Variants in TAFA2 observed in about 807,000 individuals in gnomAD.
TAFA2 encodes chemokine-like protein TAFA-2.
In TAFA2, 7 loss-of-function variants were observed where a neutral mutation model predicts 18.8. The observed-to-expected ratio is 0.37, with a 90% confidence interval of 0.21 to 0.70. The LOEUF (loss-of-function observed/expected upper bound fraction) is 0.70. Ranked by LOEUF, TAFA2 falls within the 30% of genes least tolerant of loss-of-function variation. TAFA2 has a pLI of 0.53. For synonymous variants in TAFA2, 60 were observed against 54.2 expected (o/e 1.11, Z -0.47); for missense variants, 122 against 158.1 (o/e 0.77, Z 1.23).
At chr12:61,922,600 C>T (rs976155342) in intron 1 of TAFA2, among the ~76,000 whole-genome samples, 1 of 152,180 alleles carries the variant, frequency 6.6e-6, no homozygotes, top group Non-Finnish European at 1.5e-5. Flanking sequence ...CTTTGCAACC[C>T]GCAGACCAGG....
At chr12:61,934,319 A>C (rs1877677941) in intron 1 of TAFA2, among the ~76,000 whole-genome samples, 1 of 152,216 alleles carries the variant, frequency 6.6e-6, no homozygotes, top group Non-Finnish European at 1.5e-5. Flanking sequence ...CAAAGTCCCC[A>C]GGAGCTGGGC....
chr12:61,902,558 T>C (rs955087849), intron 1 of TAFA2, among the ~76,000 whole-genome samples: 36 of 152,152 alleles, frequency 2.4e-4, no homozygotes, highest in African/African-American at 8.7e-4. Flanking sequence ...GGCCTCTCAC[T>C]GTCAGGGTGT....
chr12:61,787,545 A>G (rs1870789687), intron 2 of TAFA2, among the ~76,000 whole-genome samples: 1 of 151,662 alleles, frequency 6.6e-6, no homozygotes, highest in Non-Finnish European at 1.5e-5. Flanking sequence ...ATGTAAATTA[A>G]AGCAACAAAA....
intron 1 of TAFA2, among the ~76,000 whole-genome samples, chr12:62,065,814 C>G (rs1477877874): frequency 6.6e-6 from 1 of 151,566 alleles, no homozygotes; most frequent in Non-Finnish European, 1.5e-5. Context: ...CTGTACTCAG[C>G]CTTATCATCC....
intron 1 of TAFA2, among the ~76,000 whole-genome samples, chr12:62,088,665 A>C (rs1334186561): frequency 6.6e-6 from 1 of 151,992 alleles, no homozygotes; most frequent in African/African-American, 2.4e-5. Flanking sequence ...AAAAGCATCA[A>C]AAATGAAGAA....
chr12:62,022,902 G>A lies in TAFA2; in HGVS notation c.-1-155476C>T, dbSNP rs1881192718. Among the ~76,000 whole-genome samples the A allele has an allele frequency of 4.6e-5, 7 of 152,198 alleles. No homozygotes were observed. The South Asian group carries it at 1.5e-3, about 32-fold the overall frequency. ...GGGTTCCCATGGCTGAATGAGGGGA[G>A]CAACCATACCAGCAATCACAAACCT... On this transcript the variant is annotated intron_variant, in intron 1 of 4. Transcript: ENST00000416284.
chr12:61,975,993 G>T (rs1299191988), intron 1 of TAFA2, among the ~76,000 whole-genome samples: 1 of 151,374 alleles, frequency 6.6e-6, no homozygotes, highest in Non-Finnish European at 1.5e-5. Flanking sequence ...TACATCACAT[G>T]GTACACCTTA....
chr12:62,108,796 T>A (rs1869583699), intron 1 of TAFA2, among the ~76,000 whole-genome samples: 1 of 152,244 alleles, frequency 6.6e-6, no homozygotes, highest in Non-Finnish European at 1.5e-5. Context: ...TTTTGAGAAG[T>A]GTCTGTTCAT....
chr12:62,255,698 C>T (rs1249513924), intron 1 of TAFA2, among the ~76,000 whole-genome samples: 1 of 151,312 alleles, frequency 6.6e-6, no homozygotes, highest in Non-Finnish European at 1.5e-5. Flanking sequence ...ACTAAAAATA[C>T]AAAAATTAGG....
intron 1 of TAFA2, among the ~76,000 whole-genome samples, chr12:62,158,339 AATTCTTCCTCAAATAAT>A (rs2062385019): frequency 6.6e-6 from 1 of 152,232 alleles, no homozygotes; most frequent in Non-Finnish European, 1.5e-5. Context: ...TCATAAATGT[AATTCTTCCTCAAATAAT>A]ATTTTGTTAA....
upstream of TAFA2, among the ~76,000 whole-genome samples, chr12:62,195,027 TC>T (rs1416879143): frequency 6.6e-6 from 1 of 152,198 alleles, no homozygotes; most frequent in African/African-American, 2.4e-5. Flanking sequence ...GAGTCTTGTT[TC>T]AGTGTTGATG....
chr12:62,123,361 A>G (rs889762805), intron 1 of TAFA2, among the ~76,000 whole-genome samples: 1 of 152,198 alleles, frequency 6.6e-6, no homozygotes, highest in East Asian at 1.9e-4. Flanking sequence ...GTGCACACAC[A>G]ATGTGTGGGC....
intron 4 of TAFA2, among the ~76,000 whole-genome samples, chr12:61,748,172 G>A (rs1461857326): frequency 6.6e-6 from 1 of 151,820 alleles, no homozygotes; most frequent in African/African-American, 2.4e-5. Context: ...AGGGAGGGAA[G>A]ATAATAAAAT....
At chr12:61,981,970 A>G (rs917457791) in intron 1 of TAFA2, among the ~76,000 whole-genome samples, 1 of 152,150 alleles carries the variant, frequency 6.6e-6, no homozygotes, top group African/African-American at 2.4e-5. Flanking sequence ...AAATCATGCT[A>G]GTATAAAGAC....
chr12:62,234,483 A>C, intron 1 of TAFA2: 1 of 1,082,514 alleles, frequency 9.2e-7, no homozygotes, highest in Non-Finnish European at 1.4e-6. Context: ...TGAGATGGTC[A>C]GACCTCATGA....
At chr12:62,164,338 C>T (rs1475457011) in intron 1 of TAFA2, among the ~76,000 whole-genome samples, 1 of 152,144 alleles carries the variant, frequency 6.6e-6, no homozygotes, top group Non-Finnish European at 1.5e-5. Flanking sequence ...ATACTCTGGA[C>T]ATCATAGTGC....
chr12:62,104,124 A>G (rs1255477863), intron 1 of TAFA2, among the ~76,000 whole-genome samples: 2 of 152,208 alleles, frequency 1.3e-5, no homozygotes, highest in African/African-American at 4.8e-5. Context: ...GAATAGTGAT[A>G]ATTTTAATAG....
At position 62,062,273 on chromosome 12, in the gene TAFA2, A is replaced by G. The variant is rs115958762; in HGVS notation, c.-2+128986T>C. ...TTTCAAGATCAAGTCTACTGTCTTA[A>G]TATATTTGCTAAATCTGTTAACAAT... is the stretch of plus-strand genomic sequence containing the variant. On this transcript the variant is annotated intron_variant, in intron 1 of 4. Transcript: ENST00000416284. Among the ~76,000 whole-genome samples, 152 of 152,340 alleles carry G rather than the reference A, an allele frequency of 1.0e-3. 1 individual carries two copies. The highest frequency in any genetic ancestry group is 3.5e-3 in the African/African-American group (145 of 41,582).
intron 1 of TAFA2, among the ~76,000 whole-genome samples, chr12:62,025,844 A>C (rs1881294069): frequency 6.6e-6 from 1 of 152,064 alleles, no homozygotes; most frequent in Non-Finnish European, 1.5e-5. Flanking sequence ...TGCATACTAG[A>C]GTTTTTACCT....
Sources: gnomAD v4.1 joint callset for allele counts (sites outside exome capture counted in the v4.1 genomes callset) on GRCh38, gnomAD v4.1.1 for gene constraint, MANE v1.5 for transcripts, NCBI Gene and HGNC (gene_info 2026-07-23, HGNC 2026-07-21) for gene names.